TMEM132B: variants seen among roughly 807,000 people sequenced by gnomAD.
TMEM132B encodes the protein transmembrane protein 132B.
TMEM132B carries 18 observed loss-of-function variants against 90.8 expected under a neutral mutation model. The ratio of observed to expected loss-of-function variants is 0.20; its 90% CI spans 0.14 to 0.29. TMEM132B has a LOEUF of 0.29. Ranked by LOEUF, TMEM132B falls within the 10% of genes least tolerant of loss-of-function variation. TMEM132B has a pLI of 1.00. For synonymous variants in TMEM132B, 504 were observed against 523.3 expected (o/e 0.96, Z 0.50); for missense variants, 1,096 against 1,326.8 (o/e 0.83, Z 2.70).
At chr12:125,516,279 T>C (rs901287131) in intron 3 of TMEM132B, among the ~76,000 whole-genome samples, 1 of 152,222 alleles carries the variant, frequency 6.6e-6, no homozygotes, top group Non-Finnish European at 1.5e-5. Flanking sequence ...GAAAGGCGGT[T>C]GTAATTATTA....
intron 1 of TMEM132B, among the ~76,000 whole-genome samples, chr12:125,232,503 G>A (rs1873850115): frequency 6.6e-6 from 1 of 151,716 alleles, no homozygotes; most frequent in Non-Finnish European, 1.5e-5. Context: ...CCTGATCATG[G>A]AATTTTCCTG....
chr12:125,506,274 T>C (rs904992559), intron 3 of TMEM132B, among the ~76,000 whole-genome samples: 4 of 152,222 alleles, frequency 2.6e-5, no homozygotes, highest in Non-Finnish European at 5.9e-5. Context: ...ATACAAATTA[T>C]ATTCTGTGTG....
chr12:125,217,015 G>C (rs941525514), intron 1 of TMEM132B, among the ~76,000 whole-genome samples: 2 of 152,234 alleles, frequency 1.3e-5, no homozygotes, highest in Non-Finnish European at 2.9e-5. Context: ...GCACTGGCTT[G>C]TAATTAAAAC....
chr12:125,485,989 A>C (rs149693120), intron 3 of TMEM132B, among the ~76,000 whole-genome samples: 23 of 152,326 alleles, frequency 1.5e-4, no homozygotes, highest in African/African-American at 5.3e-4. Context: ...GCCTGAGACC[A>C]AGAAAATAAT....
chr12:125,243,301 G>T lies in TMEM132B; in HGVS notation c.67+56435G>T, dbSNP rs544096345. Among the ~76,000 whole-genome samples, 705 of 147,878 alleles carry T rather than the reference G, an allele frequency of 4.8e-3. 5 individuals carry two copies. The highest frequency in any genetic ancestry group is 0.017 in the African/African-American group (666 of 40,130). Reference sequence around the variant, plus strand: ...GGGACTACAGGCACCCGCCACCATGGCTGGCTAATTTTTTTTTTTTTTTGA... The same window carrying T: ...GGGACTACAGGCACCCGCCACCATGTCTGGCTAATTTTTTTTTTTTTTTGA... On this transcript the variant is annotated intron_variant, in intron 1 of 8. Transcript: ENST00000682704.
chr12:125,207,833 G>T (rs1873218130), intron 1 of TMEM132B, among the ~76,000 whole-genome samples: 1 of 152,118 alleles, frequency 6.6e-6, no homozygotes, highest in Admixed American at 6.5e-5. Flanking sequence ...CTTTTGTGAC[G>T]AGCTTATTTC....
At chr12:125,468,583 T>A (rs184466997) in intron 3 of TMEM132B, among the ~76,000 whole-genome samples, 3 of 152,354 alleles carry the variant, frequency 2.0e-5, no homozygotes, top group South Asian at 4.1e-4. Flanking sequence ...ACGTGAGGGC[T>A]TATTTCTGGG....
At position 125,349,942 on chromosome 12, in the gene TMEM132B, G is replaced by A. The variant is rs1877502786; in HGVS notation, c.558G>A (p.Gly186=). The change falls in exon 2 of 9, where the codon GGG becomes GGA. Residue 186 remains glycine (G), a synonymous_variant. Coordinates refer to ENST00000682704, the MANE Select transcript of TMEM132B (RefSeq NM_001366854.1). This position sits in a 1 kb window ranked among gnomAD's most constrained non-coding sequence, Gnocchi z 4.1. Reference sequence around the variant, plus strand: ...GCTGTCGGCTGCAAGGGGCCCCAGGGCTGTGTGTGGCTGAGCTGGAGCTGC... The same window carrying A: ...GCTGTCGGCTGCAAGGGGCCCCAGGACTGTGTGTGGCTGAGCTGGAGCTGC... ...AASCRLQGAP[G]LCVAELELLP... The A allele has an allele frequency of 6.2e-7, 1 of 1,614,096 alleles. No individual in the cohort carries two copies. The highest frequency in any genetic ancestry group is 1.7e-5 in the Admixed American group (1 of 60,006).
At chr12:125,275,159 C>G (rs1874955880) in intron 1 of TMEM132B, among the ~76,000 whole-genome samples, 1 of 152,200 alleles carries the variant, frequency 6.6e-6, no homozygotes, top group Non-Finnish European at 1.5e-5. Flanking sequence ...GGACTTTTCT[C>G]TCCTTCCACG....
intron 1 of TMEM132B, among the ~76,000 whole-genome samples, chr12:125,287,977 C>T (rs1044791489): frequency 2.0e-5 from 3 of 151,994 alleles, no homozygotes; most frequent in African/African-American, 7.2e-5. Context: ...AAGCGATTCT[C>T]CTGCTTCAGT....
intron 1 of TMEM132B, among the ~76,000 whole-genome samples, chr12:125,346,938 A>T (rs928413446): frequency 3.3e-5 from 5 of 152,268 alleles, no homozygotes; most frequent in African/African-American, 1.2e-4. Context: ...AGTGTGGCTT[A>T]AATCACTTAT....
At chr12:125,418,082 G>A (rs1403837588) in intron 3 of TMEM132B, among the ~76,000 whole-genome samples, 1 of 152,134 alleles carries the variant, frequency 6.6e-6, no homozygotes, top group African/African-American at 2.4e-5. Flanking sequence ...CTGGCCCCTT[G>A]CCCTCAGAAA....
intron 4 of TMEM132B, among the ~76,000 whole-genome samples, chr12:125,551,830 T>A (rs1884236958): frequency 6.6e-6 from 1 of 152,204 alleles, no homozygotes; most frequent in Admixed American, 6.5e-5. Context: ...TCTGTCATTC[T>A]TCTTCTAGGA....
At chr12:125,653,245 A>G (rs1469757822) in intron 8 of TMEM132B, among the ~76,000 whole-genome samples, 1 of 152,252 alleles carries the variant, frequency 6.6e-6, no homozygotes, top group Admixed American at 6.5e-5. Context: ...TGCACCTGAA[A>G]TTGATTCAGA....
chr12:125,548,255 A>G (rs1322317160), intron 4 of TMEM132B, among the ~76,000 whole-genome samples: 1 of 152,174 alleles, frequency 6.6e-6, no homozygotes, highest in African/African-American at 2.4e-5. Context: ...ATTGGTGTTA[A>G]CAGTCACAGG....
At chr12:125,575,769 T>A (rs1463672767) in intron 4 of TMEM132B, among the ~76,000 whole-genome samples, 1 of 152,144 alleles carries the variant, frequency 6.6e-6, no homozygotes, top group African/African-American at 2.4e-5. Context: ...AACTTTGTTC[T>A]TTTTTATGTG....
intron 3 of TMEM132B, among the ~76,000 whole-genome samples, chr12:125,514,896 C>T (rs1883069437): frequency 2.0e-5 from 3 of 152,176 alleles, no homozygotes; most frequent in African/African-American, 7.2e-5. Context: ...CCTCCTCCTC[C>T]TGGCTGGCAC....
At chr12:125,326,524 T>G in intron 1 of TMEM132B, 2 of 1,318,800 alleles carry the variant, frequency 1.5e-6, no homozygotes, top group South Asian at 1.3e-5. Context: ...AACATCGGCT[T>G]AATGCTGTTT....
chr12:125,200,621 A>G (rs1045640044), intron 1 of TMEM132B, among the ~76,000 whole-genome samples: 1 of 152,234 alleles, frequency 6.6e-6, no homozygotes, highest in African/African-American at 2.4e-5. Flanking sequence ...AATACTGGGT[A>G]GGGATCAGCA....
Sources: gnomAD v4.1 joint callset for allele counts (sites outside exome capture counted in the v4.1 genomes callset) on GRCh38, gnomAD v4.1.1 for gene constraint, Gnocchi (gnomAD v3.1) non-coding constraint, MANE v1.5 for transcripts, NCBI Gene and HGNC (gene_info 2026-07-23, HGNC 2026-07-21) for gene names.